The following CNTN4 variants were observed in gnomAD, a reference collection of about 807,000 sequenced individuals.
The protein encoded by CNTN4 is contactin 4.
A neutral mutation model predicts 122.5 loss-of-function variants in CNTN4; 77 were observed. The ratio of observed to expected loss-of-function variants is 0.63; its 90% CI spans 0.52 to 0.76. CNTN4 has a LOEUF of 0.76. CNTN4 is among the 30% of genes least tolerant of loss of function. The pLI, the probability that CNTN4 is intolerant of heterozygous loss-of-function variation, is 0.00. For missense variants in CNTN4, 1,256 were observed against 1,259.1 expected, an observed-to-expected ratio of 1.00 and a Z score of 0.04; for synonymous variants, 512 against 447.0, an observed-to-expected ratio of 1.15 and a Z score of -1.83.
At chr3:2,850,308 T>C (rs192119666) in intron 7 of CNTN4, among the ~76,000 whole-genome samples, 91 of 152,320 alleles carry the variant, frequency 6.0e-4, no homozygotes, top group African/African-American at 2.1e-3. Flanking sequence ...TTTTAAATGT[T>C]CTACAGTAGC....
intron 13 of CNTN4, among the ~76,000 whole-genome samples, chr3:2,979,584 G>A (rs1039240009): frequency 6.6e-6 from 1 of 151,442 alleles, no homozygotes; most frequent in African/African-American, 2.4e-5. Context: ...GTATAAAAGA[G>A]AGTAGAAGCC....
chr3:2,168,987 CAA>C (rs1673212681), intron 2 of CNTN4, among the ~76,000 whole-genome samples: 1 of 152,078 alleles, frequency 6.6e-6, no homozygotes, highest in Admixed American at 6.6e-5. Context: ...TGCTGAAGCT[CAA>C]GAGACAAATC....
chr3:2,532,203 C>T (rs1286000000), intron 3 of CNTN4, among the ~76,000 whole-genome samples: 24 of 152,138 alleles, frequency 1.6e-4, no homozygotes, highest in Admixed American at 1.6e-3. Flanking sequence ...TAGTATTTCT[C>T]TATTTTGTGA....
chr3:2,647,178 C>T (rs573514397), intron 4 of CNTN4, among the ~76,000 whole-genome samples: 5 of 152,168 alleles, frequency 3.3e-5, no homozygotes, highest in East Asian at 3.9e-4. Context: ...GTCAGGAGTT[C>T]GAGATCAGCC....
intron 3 of CNTN4, among the ~76,000 whole-genome samples, chr3:2,387,127 A>G (rs952231385): frequency 6.6e-6 from 1 of 152,208 alleles, no homozygotes; most frequent in Non-Finnish European, 1.5e-5. Context: ...GAATTACTCA[A>G]ATTTATAAAA....
intron 2 of CNTN4, among the ~76,000 whole-genome samples, chr3:2,301,136 G>T (rs2042501731): frequency 6.6e-6 from 1 of 152,284 alleles, no homozygotes; most frequent in South Asian, 2.1e-4. Context: ...CTGAACAATA[G>T]CTGTACAATA....
rs1011616822 is a variant in CNTN4, at chr3:3,011,123, C to A, written c.1487-14979C>A. ...CCCTTAGTCCTTGCATAATTTCTAG[C>A]CTCAGGAGAATTATAAGATAGAAGA... On this transcript the variant is annotated intron_variant, in intron 14 of 24. Coordinates refer to ENST00000418658, the MANE Select transcript of CNTN4 (RefSeq NM_175607.3). Among the ~76,000 whole-genome samples, 5 of 152,218 alleles carry A rather than the reference C, an allele frequency of 3.3e-5. No homozygotes were observed. The East Asian group carries it at 9.6e-4, about 29-fold the overall frequency.
chr3:2,479,422 C>T (rs570006593), intron 3 of CNTN4, among the ~76,000 whole-genome samples: 11 of 152,260 alleles, frequency 7.2e-5, no homozygotes, highest in Admixed American at 6.5e-4. Flanking sequence ...ACAACTCATG[C>T]GCCTTGAAGG....
At chr3:2,570,584 C>G (rs924753143) in intron 3 of CNTN4, among the ~76,000 whole-genome samples, 1 of 152,164 alleles carries the variant, frequency 6.6e-6, no homozygotes, top group Non-Finnish European at 1.5e-5. Flanking sequence ...CCCTGCAACC[C>G]TGGATCTGTG....
At chr3:2,783,291 AAAAT>A (rs2091681630) in intron 6 of CNTN4, among the ~76,000 whole-genome samples, 1 of 152,180 alleles carries the variant, frequency 6.6e-6, no homozygotes, top group African/African-American at 2.4e-5. Flanking sequence ...CTGTCTCGAA[AAAAT>A]AAATAAAAAT....
At chr3:2,988,589 A>G (rs1694792398) in intron 14 of CNTN4, 117 bp downstream of exon 14, 2 of 1,063,968 alleles carry the variant, frequency 1.9e-6, no homozygotes, top group South Asian at 1.3e-5. Flanking sequence ...GTATTGCTAA[A>G]TTAATTCATC....
At chr3:2,259,894 T>C (rs75602951) in intron 2 of CNTN4, among the ~76,000 whole-genome samples, 2,758 of 151,218 alleles carry the variant, frequency 0.018, 85 homozygotes, top group African/African-American at 0.064. Context: ...GAAGAGCAGA[T>C]AGTTCTCCCC....
At chr3:2,249,573 T>A (rs1382569932) in intron 2 of CNTN4, among the ~76,000 whole-genome samples, 2 of 151,872 alleles carry the variant, frequency 1.3e-5, no homozygotes, top group Non-Finnish European at 2.9e-5. Context: ...TAGTCATTTG[T>A]TGAGGTTTAC....
chr3:3,001,561 C>T (rs1442717090), intron 14 of CNTN4, among the ~76,000 whole-genome samples: 1 of 152,120 alleles, frequency 6.6e-6, no homozygotes, highest in Non-Finnish European at 1.5e-5. Flanking sequence ...ATTAGAATGC[C>T]TTTAGACAGG....
intron 4 of CNTN4, among the ~76,000 whole-genome samples, chr3:2,725,698 C>T (rs1363354813): frequency 6.6e-6 from 1 of 151,828 alleles, no homozygotes; most frequent in Non-Finnish European, 1.5e-5. Context: ...GTAGTTGATC[C>T]CGGTGGTGTT....
chr3:2,296,695 G>A (rs942810927), intron 2 of CNTN4, among the ~76,000 whole-genome samples: 2 of 151,532 alleles, frequency 1.3e-5, no homozygotes, highest in Admixed American at 1.3e-4. Context: ...GAACAAAAGG[G>A]CACAAGAAGA....
At chr3:2,633,953 T>C (rs2082549910) in intron 4 of CNTN4, among the ~76,000 whole-genome samples, 1 of 152,226 alleles carries the variant, frequency 6.6e-6, no homozygotes. Context: ...GTTGATATTG[T>C]AGATGAAGAA....
rs946570464 is a variant in CNTN4 at position 2,932,783 on chromosome 3, A to G, written c.1358+7004A>G. Among the ~76,000 whole-genome samples, 6 of 151,738 alleles carry G rather than the reference A, an allele frequency of 4.0e-5. No homozygotes were observed. In the East Asian group the frequency reaches 9.7e-4, roughly 25 times the overall value. ...AAAAAAGGAGGGAGGGTGGACAAAGATGCAGATGCTTACAGTCTTTATTTA... is the reference window on the plus strand; with the variant it reads ...AAAAAAGGAGGGAGGGTGGACAAAGGTGCAGATGCTTACAGTCTTTATTTA... On this transcript the variant is annotated intron_variant, in intron 13 of 24. Transcript: ENST00000418658.
intron 2 of CNTN4, among the ~76,000 whole-genome samples, chr3:2,322,580 T>G (rs558725320): frequency 6.6e-6 from 1 of 152,052 alleles, no homozygotes; most frequent in East Asian, 1.9e-4. Flanking sequence ...TTGGGGATCA[T>G]GTAAAAGTGT....
Sources: gnomAD v4.1 joint callset for allele counts (sites outside exome capture counted in the v4.1 genomes callset) on GRCh38, gnomAD v4.1.1 for gene constraint, MANE v1.5 for transcripts, NCBI Gene and HGNC (gene_info 2026-07-23, HGNC 2026-07-21) for gene names.